The following RAB31 variants were observed in gnomAD, a reference collection of about 807,000 sequenced individuals.
RAB31 encodes the protein RAB31, member RAS oncogene family.
A neutral mutation model predicts 25.6 loss-of-function variants in RAB31; 21 were observed. The ratio of observed to expected loss-of-function variants is 0.82; its 90% CI spans 0.58 to 1.18. The LOEUF (loss-of-function observed/expected upper bound fraction) is 1.18. Ranked by LOEUF, RAB31 falls within the 50% of genes most tolerant of loss-of-function variation. The pLI is 0.00. For synonymous variants in RAB31, 87 were observed against 84.0 expected, an observed-to-expected ratio of 1.04 and a Z score of -0.20; for missense variants, 196 against 250.1, an observed-to-expected ratio of 0.78 and a Z score of 1.46.
rs1599052129 is a variant in RAB31 at position 9,817,331 on chromosome 18, T to C, written c.380+2109T>C. Among the ~76,000 whole-genome samples, 3 of 152,254 alleles carry C rather than the reference T, an allele frequency of 2.0e-5. No homozygotes were observed. The East Asian group carries it at 5.8e-4, about 29-fold the overall frequency. ...CGATTTAAACTTGAATGGTATCACT[T>C]AGGATTCTTGGTTATGTGGAACCAA... On this transcript the variant is annotated intron_variant, in intron 5 of 6. Transcript: ENST00000578921.
chr18:9,831,547 G>A (rs1055192459), intron 5 of RAB31, among the ~76,000 whole-genome samples: 11 of 152,334 alleles, frequency 7.2e-5, no homozygotes, highest in African/African-American at 2.6e-4. Flanking sequence ...CTCTGCAGCA[G>A]AAGGGAACTT....
chr18:9,800,073 C>A (rs80153207), intron 3 of RAB31, among the ~76,000 whole-genome samples: 2,831 of 152,298 alleles, frequency 0.019, 98 homozygotes, highest in African/African-American at 0.065. Flanking sequence ...ATGCCTAGAG[C>A]GGTCCATAGC....
chr18:9,784,036 A>G (rs147248823), intron 2 of RAB31, among the ~76,000 whole-genome samples: 41 of 152,222 alleles, frequency 2.7e-4, no homozygotes, highest in African/African-American at 9.9e-4. Flanking sequence ...ATGTATTTTT[A>G]TACATTTATA....
At position 9,819,051 on chromosome 18, in the gene RAB31, G is replaced by A. The variant is rs113783628; in HGVS notation, c.380+3829G>A. ...AAGTCTCTTATCAAACATGTAATTC[G>A]CAAATATTTCCTCTCATCCTGTGGA... is the stretch of plus-strand genomic sequence containing the variant. On this transcript the variant is annotated intron_variant, in intron 5 of 6. Transcript: ENST00000578921. Among the ~76,000 whole-genome samples, 584 of 152,100 alleles carry A rather than the reference G, an allele frequency of 3.8e-3. 4 individuals carry two copies. Among genetic ancestry groups the A allele is most frequent in the Non-Finnish European group, 6.3e-3 (429 of 67,968 alleles).
chr18:9,773,830 T>A (rs1288780144), intron 1 of RAB31, among the ~76,000 whole-genome samples: 1 of 152,140 alleles, frequency 6.6e-6, no homozygotes, highest in Non-Finnish European at 1.5e-5. Flanking sequence ...GGCTAATTTT[T>A]ACATTTTTTT....
intron 1 of RAB31, among the ~76,000 whole-genome samples, chr18:9,739,802 C>T (rs796378094): frequency 2.6e-5 from 4 of 152,304 alleles, no homozygotes; most frequent in African/African-American, 9.6e-5. Flanking sequence ...CACATGGCCA[C>T]CCCTGACTGC....
chr18:9,797,798 A>G (rs1186631289), intron 3 of RAB31, among the ~76,000 whole-genome samples: 1 of 152,238 alleles, frequency 6.6e-6, no homozygotes, highest in Non-Finnish European at 1.5e-5. Flanking sequence ...TTCATTTGAT[A>G]TTACAGTGTC....
At position 9,845,692 on chromosome 18, in the gene RAB31, G is replaced by T; in HGVS notation, c.490+1G>T. 1 of 1,541,402 alleles carries T rather than the reference G, an allele frequency of 6.5e-7. No individual in the cohort carries two copies. The highest frequency in any genetic ancestry group is 8.7e-7 in the Non-Finnish European group (1 of 1,145,062). On this transcript the variant is annotated splice_donor_variant, in intron 6 of 6. Transcript: ENST00000578921. LOFTEE classifies it high-confidence loss of function. ...ATCGAAGAGCTCTTTCAAGGAATCAGTAAGTACCTGAAATTGGGTTTTCAG... is the reference window on the plus strand; with the variant it reads ...ATCGAAGAGCTCTTTCAAGGAATCATTAAGTACCTGAAATTGGGTTTTCAG...
intron 1 of RAB31, among the ~76,000 whole-genome samples, chr18:9,770,565 A>G (rs2068339213): frequency 6.6e-6 from 1 of 152,230 alleles, no homozygotes; most frequent in Non-Finnish European, 1.5e-5. Context: ...AGTAGATGGA[A>G]CCAATTGCTG....
chr18:9,843,005 A>G (rs1022390932), intron 5 of RAB31, among the ~76,000 whole-genome samples: 6 of 152,210 alleles, frequency 3.9e-5, no homozygotes, highest in Non-Finnish European at 5.9e-5. Flanking sequence ...GTGGTACATG[A>G]TAACTGTTCT....
chr18:9,759,961 G>A (rs1247889646), intron 1 of RAB31, among the ~76,000 whole-genome samples: 1 of 152,126 alleles, frequency 6.6e-6, no homozygotes, highest in African/African-American at 2.4e-5. Context: ...GTCCCCGTGA[G>A]CACGTTCTCG....
intron 5 of RAB31, among the ~76,000 whole-genome samples, chr18:9,830,074 C>G (rs146273640): frequency 0.015 from 2,227 of 151,466 alleles, 24 homozygotes; most frequent in Non-Finnish European, 0.023. Context: ...GTGCATAGCT[C>G]ACTGCAGCCT....
chr18:9,720,215 C>T (rs11663610), intron 1 of RAB31, among the ~76,000 whole-genome samples: 36,466 of 152,108 alleles, frequency 0.24, 5,045 homozygotes, highest in South Asian at 0.33. Context: ...CCACCCGCCT[C>T]GACCTCCCAA....
intron 4 of RAB31, 109 bp downstream of exon 4, chr18:9,814,200 T>A (rs2068589679): frequency 1.4e-6 from 1 of 723,310 alleles, no homozygotes; most frequent in African/African-American, 1.7e-5. Flanking sequence ...CGTGCCACTA[T>A]ATATTGAGTT....
At chr18:9,717,421 A>G (rs115625387) in intron 1 of RAB31, among the ~76,000 whole-genome samples, 52 of 152,268 alleles carry the variant, frequency 3.4e-4, no homozygotes, top group African/African-American at 1.2e-3. Flanking sequence ...TTATCAGAAA[A>G]TTGAAGGGGC....
At chr18:9,816,492 A>G (rs1162682995) in intron 5 of RAB31, among the ~76,000 whole-genome samples, 1 of 152,228 alleles carries the variant, frequency 6.6e-6, no homozygotes, top group African/African-American at 2.4e-5. Flanking sequence ...AGAATTCTTA[A>G]TATTTTTCAT....
chr18:9,823,715 G>A (rs2068635089), intron 5 of RAB31, among the ~76,000 whole-genome samples: 1 of 152,080 alleles, frequency 6.6e-6, no homozygotes, highest in South Asian at 2.1e-4. Flanking sequence ...ATTACAAAGG[G>A]GGATGTATTT....
chr18:9,715,022 C>G (rs1342510966), intron 1 of RAB31, among the ~76,000 whole-genome samples: 1 of 152,130 alleles, frequency 6.6e-6, no homozygotes. Flanking sequence ...CTGCTAGAGA[C>G]AGAAAGTAGG....
chr18:9,711,650 T>C (rs2068017869), intron 1 of RAB31, among the ~76,000 whole-genome samples: 1 of 152,218 alleles, frequency 6.6e-6, no homozygotes, highest in Admixed American at 6.5e-5. Flanking sequence ...AGGTCTGTCT[T>C]TTCTGGGTGA....
Sources: gnomAD v4.1 joint callset for allele counts (sites outside exome capture counted in the v4.1 genomes callset) on GRCh38, gnomAD v4.1.1 for gene constraint, MANE v1.5 for transcripts, NCBI Gene and HGNC (gene_info 2026-07-23, HGNC 2026-07-21) for gene names.